The following EPRS1 variants were observed in gnomAD, a reference collection of about 807,000 sequenced individuals.
EPRS1 encodes the protein bifunctional glutamate/proline--tRNA ligase.
Under a neutral mutation model 188.3 loss-of-function variants are expected in EPRS1, and 107 were observed. That is an observed-to-expected ratio of 0.57 (90% CI 0.49 to 0.67). EPRS1 has a LOEUF of 0.67. EPRS1 is among the 30% of genes least tolerant of loss of function. The probability of loss-of-function intolerance (pLI) is 0.00; values close to 1 mark genes in which losing one functional copy is unlikely to be tolerated. For missense variants in EPRS1, 1,577 were observed against 1,802.2 expected (o/e 0.88, Z 2.26); for synonymous variants, 596 against 593.1 (o/e 1.00, Z -0.07).
chr1:220,027,014 G>A (rs982629575), intron 6 of EPRS1, among the ~76,000 whole-genome samples: 5 of 151,940 alleles, frequency 3.3e-5, no homozygotes, highest in Middle Eastern at 3.4e-3. Context: ...GGCTTGGGCC[G>A]GGCACAGTGG....
chr1:219,992,195 G>A (rs1438653373), intron 18 of EPRS1, among the ~76,000 whole-genome samples: 3 of 152,100 alleles, frequency 2.0e-5, no homozygotes, highest in African/African-American at 7.2e-5. Flanking sequence ...ATAAACTGTG[G>A]TTTGGGTTTT....
intron 6 of EPRS1, among the ~76,000 whole-genome samples, chr1:220,028,899 T>TA (rs917040247): frequency 1.4e-4 from 21 of 151,886 alleles, no homozygotes; most frequent in Admixed American, 7.2e-4. Context: ...CTATGCATAG[T>TA]AAAAAAAACT....
chr1:220,010,366 A>ATGC (rs1465056085), intron 13 of EPRS1, among the ~76,000 whole-genome samples: 1 of 152,174 alleles, frequency 6.6e-6, no homozygotes, highest in Non-Finnish European at 1.5e-5. Context: ...ACACACTAAT[A>ATGC]TGCTAACTCT....
At position 220,030,435 on chromosome 1, in the gene EPRS1, C is replaced by G. The variant is rs752470214; in HGVS notation, c.574G>C (p.Gly192Arg). ...QDVGKFVELP[G>R]AEMGKVTVRF... is the part of the protein sequence containing the mutation. ...ACGGTAACCTTTCCCATCTCCGCAC[C>G]TGGAAGCTCAACAAATTTCCCAACA... is the stretch of plus-strand genomic sequence containing the variant. The change falls in exon 6 of 32, where the codon GGT (glycine) becomes CGT (arginine). Residue 192 changes from glycine to arginine, a missense_variant. Gly to Arg is a moderately radical substitution (Grantham distance 125). Coordinates refer to ENST00000366923, the MANE Select transcript of EPRS1 (RefSeq NM_004446.3). 6.2e-7 allele frequency: 1 copy of G among 1,614,150 alleles called. No individual in the cohort carries two copies. Among genetic ancestry groups the G allele is most frequent in the East Asian group, 2.2e-5 (1 of 44,874 alleles).
chr1:219,994,109 T>C (rs559760948), intron 18 of EPRS1, among the ~76,000 whole-genome samples: 7 of 152,330 alleles, frequency 4.6e-5, no homozygotes, highest in African/African-American at 1.4e-4. Context: ...CATAACGTTT[T>C]AGAGAAAAAA....
At position 220,046,475 on chromosome 1, in the gene EPRS1, T is replaced by C; in HGVS notation, c.-87A>G. 1 of 1,565,684 alleles carries C rather than the reference T, an allele frequency of 6.4e-7. No homozygotes were observed. Among genetic ancestry groups the C allele is most frequent in the Non-Finnish European group, 8.6e-7 (1 of 1,157,268 alleles). On this transcript the variant is annotated 5_prime_UTR_variant, in exon 1 of 32. Coordinates refer to ENST00000366923, the MANE Select transcript of EPRS1 (RefSeq NM_004446.3). ...CCCGCGAAAGGAAGAAGATGCAACG[T>C]GTGCGCGTACCCGACGCCGCCGCAG...
chr1:220,005,446 A>G, intron 15 of EPRS1, 86 bp from the exon 16 acceptor site: 1 of 646,614 alleles, frequency 1.5e-6, no homozygotes, highest in South Asian at 2.0e-5. Context: ...TCCACTAACT[A>G]AAATACTCCC....
chr1:219,978,682 G>C lies in EPRS1; in HGVS notation c.3947C>G (p.Ser1316Cys), dbSNP rs984570092. ...AATCAGCGCTTCTTTGTCTTCTTCA[G>C]AAAGTGCATTGGTAATGCCACAAGG... ...IIPCGITNAL[S>C]EEDKEALIAK... The change falls in exon 28 of 32, where the codon TCT (serine) becomes TGT (cysteine). Residue 1316 changes from serine (S) to cysteine (C), a missense_variant. By Grantham distance (112) the Ser-to-Cys change is moderately radical (BLOSUM62 -1). Around this residue, in one of 3 missense-constraint regions of EPRS1, gnomAD observed 296 missense variants for 327.9 expected, o/e 0.90. Coordinates refer to ENST00000366923, the MANE Select transcript of EPRS1 (RefSeq NM_004446.3). 2 of 1,612,092 alleles carry C rather than the reference G, an allele frequency of 1.2e-6. No individual in the cohort carries two copies. The highest frequency in any genetic ancestry group is 4.5e-5 in the East Asian group (2 of 44,762).
chr1:219,979,448 T>G lies in EPRS1; in HGVS notation c.3879A>C (p.Leu1293Phe). The change falls in exon 27 of 32, where the codon TTA (leucine) becomes TTC (phenylalanine). Residue 1293 changes from leucine to phenylalanine, a missense_variant. This residue lies in a region of EPRS1 where 296 missense variants were observed against 327.9 expected (regional missense o/e 0.90). Coordinates refer to ENST00000366923, the MANE Select transcript of EPRS1 (RefSeq NM_004446.3). ...MTMVHGDNMG[L>F]VLPPRVACVQ... ...CACATGCTACACGGGGTGGTAATACTAAACCCATGTTGTCCCCATGAACCA... is the reference window on the plus strand; with the variant it reads ...CACATGCTACACGGGGTGGTAATACGAAACCCATGTTGTCCCCATGAACCA... 1 of 1,613,988 alleles carries G rather than the reference T, an allele frequency of 6.2e-7. No individual in the cohort carries two copies. Among genetic ancestry groups the G allele is most frequent in the Non-Finnish European group, 8.5e-7 (1 of 1,179,862 alleles).
At chr1:220,023,059 TTCA>T (rs1226422989) in intron 8 of EPRS1, among the ~76,000 whole-genome samples, 1 of 152,126 alleles carries the variant, frequency 6.6e-6, no homozygotes, top group Non-Finnish European at 1.5e-5. Flanking sequence ...TGAAAGCCCC[TTCA>T]TCATCCCAAT....
At chr1:220,006,678 G>A (rs1345045619) in intron 14 of EPRS1, among the ~76,000 whole-genome samples, 1 of 152,068 alleles carries the variant, frequency 6.6e-6, no homozygotes, top group Admixed American at 6.5e-5. Flanking sequence ...GCAGTTACTT[G>A]CAATCATATG....
At chr1:220,016,369 A>C (rs1661711889) in intron 12 of EPRS1, among the ~76,000 whole-genome samples, 1 of 149,794 alleles carries the variant, frequency 6.7e-6, no homozygotes, top group African/African-American at 2.5e-5. Flanking sequence ...AAAGAAAAAA[A>C]GAGTACGCAG....
At chr1:220,005,826 T>TG (rs1043737262) in intron 15 of EPRS1, among the ~76,000 whole-genome samples, 12 of 38,960 alleles carry the variant, frequency 3.1e-4, no homozygotes, top group African/African-American at 2.0e-3. Context: ...CGTTTTTTTT[T>TG]TTGTTTTTTT....
intron 16 of EPRS1, 47 bp from the exon 17 acceptor site, chr1:220,001,302 T>G: frequency 9.3e-7 from 1 of 1,072,510 alleles, no homozygotes; most frequent in Non-Finnish European, 1.5e-6. Flanking sequence ...AACAAAATTA[T>G]CTGAACAGCA....
chr1:220,010,808 CAAAA>C (rs34170326), intron 13 of EPRS1, 134 bp downstream of exon 13: 97 of 411,300 alleles, frequency 2.4e-4, no homozygotes, highest in Middle Eastern at 1.1e-3. Context: ...GACTACGTCT[CAAAA>C]AAAAAAAAAA....
At chr1:220,028,112 A>C (rs1662018276) in intron 6 of EPRS1, among the ~76,000 whole-genome samples, 1 of 152,106 alleles carries the variant, frequency 6.6e-6, no homozygotes, top group Non-Finnish European at 1.5e-5. Context: ...TAAAATTAAA[A>C]ATTTATTAAA....
intron 1 of EPRS1, among the ~76,000 whole-genome samples, chr1:220,040,743 G>A (rs1408566031): frequency 3.3e-5 from 5 of 152,012 alleles, no homozygotes; most frequent in South Asian, 2.1e-4. Context: ...CCAGCTACTC[G>A]GGAGGCTGAG....
At chr1:220,028,785 T>C (rs1483163062) in intron 6 of EPRS1, among the ~76,000 whole-genome samples, 1 of 132,958 alleles carries the variant, frequency 7.5e-6, no homozygotes, top group Non-Finnish European at 1.7e-5. Flanking sequence ...AATAAAAGAC[T>C]AAGCCAAGCC....
rs976018828 is a variant in EPRS1 at position 220,046,365 on chromosome 1, C to G, written c.24G>C (p.Val8=). 5 of 1,613,982 alleles carry G rather than the reference C, an allele frequency of 3.1e-6. No individual in the cohort carries two copies. The African/African-American group carries it at 6.7e-5, about 22-fold the overall frequency. The change falls in exon 1 of 32, where the codon GTG becomes GTC. Residue 8 remains valine, a synonymous_variant. Transcript: ENST00000366923. MATLSLT[V]NSGDPPLGAL... ...TACCTAGCGGAGGGTCTCCTGAATT[C>G]ACGGTCAGAGAGAGCGTCGCCATCT...
Sources: gnomAD v4.1 joint callset for allele counts (sites outside exome capture counted in the v4.1 genomes callset) on GRCh38, gnomAD v4.1.1 for gene constraint, gnomAD v4.1.1 regional missense constraint, MANE v1.5 for transcripts, NCBI Gene and HGNC (gene_info 2026-07-23, HGNC 2026-07-21) for gene names.